Variants in FAM120B observed in about 807,000 individuals in gnomAD.
FAM120B encodes the protein family with sequence similarity 120 member B, also known as constitutive coactivator of peroxisome proliferator-activated receptor gamma.
FAM120B carries 83 observed loss-of-function variants against 96.3 expected under a neutral mutation model. That is an observed-to-expected ratio of 0.86 (90% CI 0.72 to 1.03). The LOEUF is 1.03. FAM120B is among the 50% of genes least tolerant of loss of function. The probability of loss-of-function intolerance (pLI) is 0.00; values close to 1 mark genes in which losing one functional copy is unlikely to be tolerated. For missense variants in FAM120B, 1,027 were observed against 1,121.2 expected (o/e 0.92, Z 1.20); for synonymous variants, 407 against 402.7 (o/e 1.01, Z -0.13).
intron 1 of FAM120B, among the ~76,000 whole-genome samples, chr6:170,307,098 G>C (rs1188801811): frequency 1.3e-5 from 2 of 152,216 alleles, no homozygotes; most frequent in Non-Finnish European, 2.9e-5. Flanking sequence ...GCGTCATTGC[G>C]TGCTCCCCGA....
intron 9 of FAM120B, among the ~76,000 whole-genome samples, chr6:170,402,016 G>T (rs142872576): frequency 6.6e-6 from 1 of 152,338 alleles, no homozygotes; most frequent in Non-Finnish European, 1.5e-5. Flanking sequence ...GACTCCCTGC[G>T]CCCTGGGCTC....
intron 4 of FAM120B, 146 bp from the exon 5 acceptor site, chr6:170,348,005 T>C (rs1787307635): frequency 1.6e-6 from 1 of 629,378 alleles, no homozygotes; most frequent in Non-Finnish European, 2.6e-6. Context: ...TTAAAGAAAA[T>C]CACTAATCTG....
intron 4 of FAM120B, among the ~76,000 whole-genome samples, chr6:170,346,969 T>C (rs752918333): frequency 1.0e-3 from 158 of 152,312 alleles, no homozygotes; most frequent in Non-Finnish European, 2.0e-3. Context: ...GAGAAAAATA[T>C]GTTTTTTCTC....
chr6:170,330,361 G>T, intron 3 of FAM120B, 88 bp from the exon 4 acceptor site: 1 of 927,968 alleles, frequency 1.1e-6, no homozygotes, highest in Non-Finnish European at 1.7e-6. Flanking sequence ...CCTTTGAATT[G>T]GCCACCTGGG....
intron 5 of FAM120B, among the ~76,000 whole-genome samples, chr6:170,350,897 G>A (rs1562555541): frequency 6.6e-6 from 1 of 152,172 alleles, no homozygotes; most frequent in South Asian, 2.1e-4. Flanking sequence ...CTCCACGACT[G>A]CAACACCTCT....
At chr6:170,369,577 A>G (rs967012178) in intron 6 of FAM120B, among the ~76,000 whole-genome samples, 2 of 152,200 alleles carry the variant, frequency 1.3e-5, no homozygotes, top group Non-Finnish European at 2.9e-5. Context: ...CTCTCATGAT[A>G]AAGGTTCCAG....
At position 170,356,362 on chromosome 6, in the gene FAM120B, G is replaced by T. The variant is rs896140808; in HGVS notation, c.2191-1864G>T. 3.3e-5 allele frequency among the ~76,000 whole-genome samples: 5 copies of T among 152,284 alleles called. No individual in the cohort carries two copies. The South Asian group carries it at 1.0e-3, about 32-fold the overall frequency. On this transcript the variant is annotated intron_variant, in intron 5 of 10. Transcript: ENST00000476287. ...TTTGTATTCGCTAGATGAAGAAGGTGCTGTATTATTCCCAGGGATAATAAC... is the reference window on the plus strand; with the variant it reads ...TTTGTATTCGCTAGATGAAGAAGGTTCTGTATTATTCCCAGGGATAATAAC...
intron 9 of FAM120B, among the ~76,000 whole-genome samples, chr6:170,397,550 G>T (rs565605563): frequency 6.6e-6 from 1 of 152,246 alleles, no homozygotes; most frequent in African/African-American, 2.4e-5. Context: ...GATTGCAGCA[G>T]GTGGTGAGAC....
chr6:170,360,658 C>A (rs933267333), intron 6 of FAM120B, among the ~76,000 whole-genome samples: 1 of 152,100 alleles, frequency 6.6e-6, no homozygotes, highest in Non-Finnish European at 1.5e-5. Context: ...AGAAGTGGGA[C>A]CTGTGCCAAT....
In FAM120B at chr6:170,318,535, A is replaced by T. The variant is rs1328375968; in HGVS notation, c.1145A>T (p.Asp382Val). ...AGGCAAGAAGTTCCCATGTGTTCAG[A>T]CCCTGAACCCAGGCAAGAAGTTCCC... ...EPRQEVPMCS[D>V]PEPRQEVPTC... Residue 382 changes from aspartate to valine, a missense_variant, in exon 2 of 11, where the codon GAC becomes GTC. Physicochemically the swap from Asp to Val is radical, Grantham distance 152 (BLOSUM62 -3). Coordinates refer to ENST00000476287, the MANE Select transcript of FAM120B (RefSeq NM_032448.3). The T allele has an allele frequency of 6.8e-7, 1 of 1,470,244 alleles. No individual in the cohort carries two copies. Among genetic ancestry groups the T allele is most frequent in the African/African-American group, 1.4e-5 (1 of 69,948 alleles). 91.1% of individuals were successfully genotyped at this position (1,470,244 alleles called of 1,614,324 possible). A position where few individuals can be genotyped will look rare whatever the true frequency, so the allele number is the denominator to read the frequency against.
intron 6 of FAM120B, among the ~76,000 whole-genome samples, chr6:170,375,738 C>T (rs1484499753): frequency 6.6e-6 from 1 of 152,072 alleles, no homozygotes; most frequent in Admixed American, 6.6e-5. Context: ...GTAAGTACAG[C>T]GGGCGAGAAC....
At chr6:170,337,456 C>A (rs973385304) in intron 4 of FAM120B, among the ~76,000 whole-genome samples, 1 of 152,178 alleles carries the variant, frequency 6.6e-6, no homozygotes, top group African/African-American at 2.4e-5. Flanking sequence ...AGGATTTTCG[C>A]ATCGATGTTC....
intron 5 of FAM120B, among the ~76,000 whole-genome samples, chr6:170,357,714 T>G (rs1242279986): frequency 6.6e-6 from 1 of 152,258 alleles, no homozygotes; most frequent in Non-Finnish European, 1.5e-5. Flanking sequence ...AGACCTGGTC[T>G]TGGTTGGCAC....
intron 1 of FAM120B, among the ~76,000 whole-genome samples, chr6:170,301,165 C>T (rs911274439): frequency 1.2e-4 from 19 of 152,232 alleles, no homozygotes; most frequent in African/African-American, 4.6e-4. Context: ...TTCCATACAT[C>T]CTCTGAAATC....
intron 1 of FAM120B, chr6:170,298,488 T>C (rs1043389238): frequency 6.6e-6 from 1 of 151,878 alleles, no homozygotes; most frequent in Non-Finnish European, 1.5e-5. Context: ...TGGATCACCA[T>C]CAAGATTTGT....
At chr6:170,401,392 C>G (rs1238588370) in intron 9 of FAM120B, among the ~76,000 whole-genome samples, 1 of 152,076 alleles carries the variant, frequency 6.6e-6, no homozygotes, top group African/African-American at 2.4e-5. Flanking sequence ...GGTGACAGGA[C>G]ATGGGGGGCT....
intron 3 of FAM120B, among the ~76,000 whole-genome samples, chr6:170,324,523 A>G (rs778884809): frequency 5.9e-5 from 9 of 152,226 alleles, no homozygotes; most frequent in Non-Finnish European, 1.0e-4. Context: ...CTAATGATGG[A>G]AAAAAGAGAT....
At chr6:170,340,593 C>T (rs1786755077) in intron 4 of FAM120B, among the ~76,000 whole-genome samples, 1 of 152,196 alleles carries the variant, frequency 6.6e-6, no homozygotes, top group African/African-American at 2.4e-5. Context: ...TAATTTTCAG[C>T]ATTTTTGCGC....
At chr6:170,305,219 C>T (rs994792649), upstream of FAM120B, among the ~76,000 whole-genome samples, 15 of 152,174 alleles carry the variant, frequency 9.9e-5, no homozygotes, top group Non-Finnish European at 1.9e-4. Flanking sequence ...CAATATGTTT[C>T]ACTTGTTGCC....
Sources: gnomAD v4.1 joint callset for allele counts (sites outside exome capture counted in the v4.1 genomes callset) on GRCh38, gnomAD v4.1.1 for gene constraint, MANE v1.5 for transcripts, NCBI Gene and HGNC (gene_info 2026-07-23, HGNC 2026-07-21) for gene names.